Variants in VRK2 observed in about 807,000 individuals in gnomAD.
VRK2 encodes serine/threonine-protein kinase VRK2.
VRK2 carries 60 observed loss-of-function variants against 57.6 expected under a neutral mutation model. That is an observed-to-expected ratio of 1.04 (90% CI 0.85 to 1.29). The LOEUF is 1.29. Ranked by LOEUF, VRK2 falls within the 50% of genes most tolerant of loss-of-function variation. The pLI is 0.00. For missense variants in VRK2, 705 were observed against 588.1 expected (o/e 1.20, Z -2.06); for synonymous variants, 231 against 199.2 (o/e 1.16, Z -1.35).
chr2:57,975,202 A>G lies in VRK2; in HGVS notation c.-438-50463A>G, dbSNP rs974612414. Among the ~76,000 whole-genome samples the G allele has an allele frequency of 2.0e-5, 3 of 152,060 alleles. No homozygotes were observed. In the East Asian group the frequency reaches 5.8e-4, roughly 29 times the overall value. ...AAAATATACTGTTACCAAGAAATTG[A>G]TAACAAAGATACATTTAATACCAAG... On this transcript the variant is annotated intron_variant, in intron 1 of 15. Coordinates refer to the VRK2 transcript ENST00000417641.
At chr2:57,936,987 C>T (rs77013411) in intron 1 of VRK2, among the ~76,000 whole-genome samples, 2,421 of 152,270 alleles carry the variant, frequency 0.016, 65 homozygotes, top group African/African-American at 0.055. Context: ...TCTGCTCTTT[C>T]CCCAGCAGGA....
Position 57,992,092 on chromosome 2 carries a change from AATAG to A in VRK2, c.-438-33568_-438-33565del, listed in dbSNP as rs374783531. Among the ~76,000 whole-genome samples, 493 of 152,314 alleles carry A rather than the reference AATAG, an allele frequency of 3.2e-3. 7 individuals are homozygous for A. Among genetic ancestry groups the A allele is most frequent in the African/African-American group, 0.011 (463 of 41,580 alleles). ...ATATATGAATAAACAGGAGATTAAT[AATAG>A]ATAGTTGTATAATCCTAAATTTCTG... On this transcript the variant is annotated intron_variant, in intron 1 of 15. Coordinates refer to the VRK2 transcript ENST00000417641.
rs114368678 is a variant in VRK2, at chr2:58,047,621, G to A, written c.-6+753G>A. On this transcript the variant is annotated intron_variant, in intron 1 of 12. Coordinates refer to ENST00000340157, the MANE Select transcript of VRK2 (RefSeq NM_006296.7). ...CTTTAAGTTTTAAATCAGTAAATCT[G>A]TAATAGGCACCAGCCTATATAATGT... 6.5e-3 allele frequency: 1,669 copies of A among 255,552 alleles called. 24 individuals carry two copies. The highest frequency in any genetic ancestry group is 0.035 in the African/African-American group (1,498 of 43,266). 15.8% of individuals were successfully genotyped at this position (255,552 alleles called of 1,614,324 possible). A position where few individuals can be genotyped will look rare whatever the true frequency, so the allele number is the denominator to read the frequency against.
intron 9 of VRK2, among the ~76,000 whole-genome samples, chr2:58,133,026 T>C (rs997602081): frequency 1.3e-5 from 2 of 152,282 alleles, no homozygotes; most frequent in East Asian, 3.9e-4. Flanking sequence ...ACAGTTTTTG[T>C]ATTTAATTTT....
chr2:58,089,764 A>G (rs750365496), intron 7 of VRK2, 41 bp downstream of exon 7: 1 of 1,383,466 alleles, frequency 7.2e-7, no homozygotes, highest in Admixed American at 1.9e-5. Context: ...TCTTTAATGT[A>G]TGAAACTGAA....
chr2:58,026,451 CAATT>C (rs1673929586), intron 2 of VRK2, among the ~76,000 whole-genome samples: 1 of 152,058 alleles, frequency 6.6e-6, no homozygotes. Context: ...TACATATACA[CAATT>C]ACTCTTTCTA....
At chr2:57,995,793 T>C (rs2312147) in intron 1 of VRK2, among the ~76,000 whole-genome samples, 105,916 of 152,088 alleles carry the variant, frequency 0.7, 38,005 homozygotes, top group African/African-American at 0.88. Context: ...CTTTTCTTTC[T>C]TTTTTACTGT....
chr2:58,097,156 A>G (rs1204428884), intron 7 of VRK2, among the ~76,000 whole-genome samples: 1 of 152,206 alleles, frequency 6.6e-6, no homozygotes, highest in African/African-American at 2.4e-5. Flanking sequence ...AAATGCAGCA[A>G]AAATCCAAAA....
At chr2:58,147,961 T>C (rs1682416641) in intron 12 of VRK2, among the ~76,000 whole-genome samples, 1 of 151,868 alleles carries the variant, frequency 6.6e-6, no homozygotes, top group Non-Finnish European at 1.5e-5. Context: ...TTAATGGACA[T>C]TTGGGCTACT....
Position 58,086,429 on chromosome 2 carries a change from A to G in VRK2, c.344+3A>G. Reference sequence around the variant, plus strand: ...CTGACTGAATTCAAGGGAAGAAGGTAAAATGGAATTATTATAATCAAATAT... The same window carrying G: ...CTGACTGAATTCAAGGGAAGAAGGTGAAATGGAATTATTATAATCAAATAT... On this transcript the variant is annotated splice_donor_region_variant and intron_variant, in intron 5 of 12. Coordinates refer to ENST00000340157, the MANE Select transcript of VRK2 (RefSeq NM_006296.7). The G allele has an allele frequency of 6.3e-7, 1 of 1,577,022 alleles. No individual in the cohort carries two copies. The highest frequency in any genetic ancestry group is 1.4e-5 in the African/African-American group (1 of 72,858).
In VRK2 at chr2:58,120,184, C is replaced by CTTTTTTTTTTTTTTTTTTT. The variant is rs397868874; in HGVS notation, c.544-2911_544-2893dup. On this transcript the variant is annotated intron_variant, in intron 7 of 12. Transcript: ENST00000340157. ...CTTTTTGTCTATTTTTTTTTCTTTT[C>CTTTTTTTTTTTTTTTTTTT]TTTTTTTTTTTTTTTTTTTTTTTTG... Among the ~76,000 whole-genome samples, 112 of 51,978 alleles carry CTTTTTTTTTTTTTTTTTTT rather than the reference C, an allele frequency of 2.2e-3. 14 individuals carry two copies. Among genetic ancestry groups the CTTTTTTTTTTTTTTTTTTT allele is most frequent in the African/African-American group, 5.0e-3 (48 of 9,642 alleles). The allele number at this position is 51,978 out of a possible 152,430, so 34.1% of individuals were successfully genotyped here.
At chr2:58,139,323 T>G (rs1680989885) in intron 10 of VRK2, among the ~76,000 whole-genome samples, 3 of 152,134 alleles carry the variant, frequency 2.0e-5, no homozygotes, top group Non-Finnish European at 2.9e-5. Flanking sequence ...TGAAGTATGG[T>G]CAGTTGTATT....
Position 58,088,340 on chromosome 2 carries a change from G to A in VRK2, c.345-1G>A, listed in dbSNP as rs770700809. On this transcript the variant is annotated splice_acceptor_variant, in intron 5 of 12. Transcript: ENST00000340157. LOFTEE classifies it high-confidence loss of function. ...CTCTTTTTGATGCTTTTTTCTTACA[G>A]TTACAGATTTATGGTAATGGAAAGA... 2.5e-6 allele frequency: 4 copies of A among 1,593,154 alleles called. No homozygotes were observed. Among genetic ancestry groups the A allele is most frequent in the Non-Finnish European group, 2.6e-6 (3 of 1,166,232 alleles).
At chr2:57,990,775 G>T (rs1672739238) in intron 1 of VRK2, among the ~76,000 whole-genome samples, 1 of 151,964 alleles carries the variant, frequency 6.6e-6, no homozygotes, top group Non-Finnish European at 1.5e-5. Flanking sequence ...AAAATACTTT[G>T]ATAGCTGTTC....
chr2:58,103,294 A>G (rs1450590707), intron 7 of VRK2, among the ~76,000 whole-genome samples: 5 of 151,604 alleles, frequency 3.3e-5, no homozygotes, highest in East Asian at 1.9e-4. Context: ...AAATAAAAAA[A>G]TCAACAAAAT....
At chr2:58,047,487 C>T (rs1189474792) in intron 1 of VRK2, 1 of 985,144 alleles carries the variant, frequency 1.0e-6, no homozygotes, top group African/African-American at 1.7e-5. Context: ...TTCGTAGAGT[C>T]TCCCTTACCG....
intron 7 of VRK2, among the ~76,000 whole-genome samples, chr2:58,111,637 C>T (rs573982281): frequency 1.3e-5 from 2 of 152,184 alleles, no homozygotes; most frequent in African/African-American, 4.8e-5. Context: ...TTATATATTC[C>T]TGTGGCTAGT....
At chr2:57,980,722 G>C (rs1265759363) in intron 1 of VRK2, among the ~76,000 whole-genome samples, 1 of 152,144 alleles carries the variant, frequency 6.6e-6, no homozygotes, top group Admixed American at 6.5e-5. Context: ...TCAGTGTTGG[G>C]TGCATATACA....
intron 1 of VRK2, among the ~76,000 whole-genome samples, chr2:58,020,530 A>G (rs1673723041): frequency 6.6e-6 from 1 of 152,238 alleles, no homozygotes; most frequent in Admixed American, 6.5e-5. Flanking sequence ...GTGCCAAATG[A>G]AGGTTATTGT....
Sources: gnomAD v4.1 joint callset for allele counts (sites outside exome capture counted in the v4.1 genomes callset) on GRCh38, gnomAD v4.1.1 for gene constraint, MANE v1.5 for transcripts, NCBI Gene and HGNC (gene_info 2026-07-23, HGNC 2026-07-21) for gene names.